CCSER2: variants seen among roughly 807,000 people sequenced by gnomAD.
CCSER2 encodes coiled-coil serine rich protein 2, also known as serine-rich coiled-coil domain-containing protein 2.
Under a neutral mutation model 92.3 loss-of-function variants are expected in CCSER2, and 46 were observed. The ratio of observed to expected loss-of-function variants is 0.50; its 90% CI spans 0.39 to 0.64. CCSER2 has a LOEUF of 0.64. CCSER2 is among the 30% of genes least tolerant of loss of function. The pLI is 0.00. For missense variants in CCSER2, 1,244 were observed against 1,238.9 expected (o/e 1.00, Z -0.06); for synonymous variants, 433 against 431.4 (o/e 1.00, Z -0.04).
intron 9 of CCSER2, among the ~76,000 whole-genome samples, chr10:84,496,665 A>G (rs1327978599): frequency 2.0e-5 from 3 of 152,140 alleles, no homozygotes; most frequent in Non-Finnish European, 4.4e-5. Flanking sequence ...ACTGGATACA[A>G]GTTTCCTGCA....
At chr10:84,359,822 T>A (rs774606514) in intron 1 of CCSER2, among the ~76,000 whole-genome samples, 2 of 152,086 alleles carry the variant, frequency 1.3e-5, no homozygotes, top group Non-Finnish European at 2.9e-5. Context: ...TTATTTTATT[T>A]TTTTTTTCTG....
At chr10:84,432,684 C>T (rs1843850335) in intron 5 of CCSER2, among the ~76,000 whole-genome samples, 1 of 152,082 alleles carries the variant, frequency 6.6e-6, no homozygotes, top group Non-Finnish European at 1.5e-5. Flanking sequence ...GGCTTATTCT[C>T]TTGATAGTAC....
chr10:84,407,611 G>A (rs781143799), intron 3 of CCSER2, among the ~76,000 whole-genome samples: 1 of 152,154 alleles, frequency 6.6e-6, no homozygotes, highest in Non-Finnish European at 1.5e-5. Flanking sequence ...CATGGATTCT[G>A]CAATAGCAAC....
At chr10:84,330,234 T>G (rs1358955637) in intron 1 of CCSER2, among the ~76,000 whole-genome samples, 1 of 152,222 alleles carries the variant, frequency 6.6e-6, no homozygotes, top group Non-Finnish European at 1.5e-5. Flanking sequence ...TTGTCTCCAT[T>G]CTAGTGTCAT....
intron 1 of CCSER2, among the ~76,000 whole-genome samples, chr10:84,338,209 G>A (rs552225612): frequency 2.0e-5 from 3 of 151,608 alleles, no homozygotes; most frequent in African/African-American, 4.8e-5. Context: ...GCTTGAACCC[G>A]GGAGGCAGAG....
intron 1 of CCSER2, among the ~76,000 whole-genome samples, chr10:84,367,081 A>AT (rs1564602588): frequency 6.6e-6 from 1 of 152,126 alleles, no homozygotes; most frequent in Non-Finnish European, 1.5e-5. Flanking sequence ...AGTTTAAAAA[A>AT]TTTTTTAAAG....
chr10:84,394,345 G>A lies in CCSER2; in HGVS notation c.1614+20530G>A, dbSNP rs555447868. 2.7e-5 allele frequency among the ~76,000 whole-genome samples: 4 copies of A among 150,504 alleles called. No homozygotes were observed. In the East Asian group the frequency reaches 7.9e-4, roughly 30 times the overall value. On this transcript the variant is annotated intron_variant, in intron 3 of 9. Coordinates refer to ENST00000372088, the MANE Select transcript of CCSER2 (RefSeq NM_001284240.2). ...ATGATCGTAGTATGAATTTATAAAT[G>A]ATTAGTATGCATATGCTCTTGAAAT... is the stretch of plus-strand genomic sequence containing the variant.
chr10:84,513,645 T>C lies in CCSER2; in HGVS notation c.2522T>C (p.Phe841Ser). ...ESNYGLEEQP[F>S]SSGPQLTMDV... ...AACTATGGTTTGGAAGAGCAGCCTT[T>C]TTCATCAGGCCCACAATTAACAATG... Residue 841 changes from phenylalanine to serine, a missense_variant, in exon 10 of 10, where the codon TTT (phenylalanine) becomes TCT (serine). Phe to Ser is a radical substitution (Grantham distance 155, BLOSUM62 -2). Coordinates refer to ENST00000372088, the MANE Select transcript of CCSER2 (RefSeq NM_001284240.2). 1 of 1,586,782 alleles carries C rather than the reference T, an allele frequency of 6.3e-7. No homozygotes were observed. Among genetic ancestry groups the C allele is most frequent in the Non-Finnish European group, 8.6e-7 (1 of 1,168,140 alleles).
chr10:84,513,584 G>A lies in CCSER2; in HGVS notation c.2461G>A (p.Glu821Lys). 1 of 1,613,820 alleles carries A rather than the reference G, an allele frequency of 6.2e-7. No homozygotes were observed. The change falls in exon 10 of 10, where the codon GAA becomes AAA. Residue 821 changes from glutamate (E) to lysine (K), a missense_variant. Coordinates refer to ENST00000372088, the MANE Select transcript of CCSER2 (RefSeq NM_001284240.2). ...QDMHQGGAHP[E>K]ESFTHVLHQE... ...CATGCATCAGGGCGGTGCACATCCG[G>A]AAGAAAGCTTTACACACGTCTTGCA...
chr10:84,397,685 TTAAG>T (rs1841916011), intron 3 of CCSER2, among the ~76,000 whole-genome samples: 1 of 152,224 alleles, frequency 6.6e-6, no homozygotes, highest in Non-Finnish European at 1.5e-5. Context: ...TTTAAAAGGC[TTAAG>T]TAAAGTCCAG....
chr10:84,427,618 G>T (rs1183043191), intron 5 of CCSER2, among the ~76,000 whole-genome samples: 1 of 152,134 alleles, frequency 6.6e-6, no homozygotes. Flanking sequence ...GAAGACTGGT[G>T]GTTGAGAACT....
intron 5 of CCSER2, among the ~76,000 whole-genome samples, chr10:84,436,346 AAAAAAAAT>A (rs1844136317): frequency 7.7e-6 from 1 of 129,130 alleles, no homozygotes; most frequent in African/African-American, 2.9e-5. Flanking sequence ...AAAAAAAAAA[AAAAAAAAT>A]GCCGGGCGCG....
At chr10:84,449,620 C>A (rs1407679994) in intron 6 of CCSER2, among the ~76,000 whole-genome samples, 1 of 152,138 alleles carries the variant, frequency 6.6e-6, no homozygotes, top group Non-Finnish European at 1.5e-5. Context: ...TTTGGGAGGC[C>A]AAGGTGGGCA....
intron 6 of CCSER2, among the ~76,000 whole-genome samples, chr10:84,457,899 G>A (rs947880711): frequency 9.3e-5 from 14 of 150,662 alleles, no homozygotes; most frequent in African/African-American, 3.2e-4. Flanking sequence ...ATGCCACCAC[G>A]CCCAGCTAAT....
At chr10:84,366,501 C>A (rs1845783327) in intron 1 of CCSER2, among the ~76,000 whole-genome samples, 2 of 152,078 alleles carry the variant, frequency 1.3e-5, no homozygotes, top group African/African-American at 4.8e-5. Flanking sequence ...AATTAGAAGA[C>A]AAACTCAGCT....
At chr10:84,498,570 G>A (rs538675061) in intron 9 of CCSER2, among the ~76,000 whole-genome samples, 8 of 152,038 alleles carry the variant, frequency 5.3e-5, no homozygotes, top group South Asian at 4.1e-4. Context: ...ATGTTGATAC[G>A]GAAAGTGAGA....
At position 84,513,765 on chromosome 10, in the gene CCSER2, T is replaced by C; in HGVS notation, c.2642T>C (p.Met881Thr). ...TTGGCAAACAATCAAATTAGTGACA[T>C]GCAGTTTATACCCACTTCTCTTCAG... ...YHLANNQISD[M>T]QFIPTSLQTP... The change falls in exon 10 of 10, where the codon ATG (methionine) becomes ACG (threonine). Residue 881 changes from methionine (M) to threonine (T), a missense_variant. By Grantham distance (81) the Met-to-Thr change is moderately conservative (BLOSUM62 -1). Transcript: ENST00000372088. The C allele has an allele frequency of 6.5e-7, 1 of 1,537,008 alleles. No homozygotes were observed. Among genetic ancestry groups the C allele is most frequent in the East Asian group, 2.4e-5 (1 of 40,926 alleles).
intron 3 of CCSER2, among the ~76,000 whole-genome samples, chr10:84,387,533 A>AT (rs879317141): frequency 0.011 from 1,644 of 146,014 alleles, 24 homozygotes; most frequent in African/African-American, 0.035. Context: ...AGTAATTTTA[A>AT]TTTTTTTTTT....
At chr10:84,435,652 A>C (rs1456644121) in intron 5 of CCSER2, among the ~76,000 whole-genome samples, 3 of 148,194 alleles carry the variant, frequency 2.0e-5, no homozygotes, top group Admixed American at 1.3e-4. Context: ...AAAAAAAAAA[A>C]AAAACAAGAA....
Sources: allele counts gnomAD v4.1 joint callset (sites outside exome capture counted in the v4.1 genomes callset), GRCh38; gene constraint gnomAD v4.1.1; transcripts MANE v1.5; gene names NCBI Gene and HGNC (gene_info 2026-07-23, HGNC 2026-07-21).